Variants in GRK4 observed in about 807,000 individuals in gnomAD.
The protein encoded by GRK4 is G protein-coupled receptor kinase 2-like.
Under a neutral mutation model 77.9 loss-of-function variants are expected in GRK4, and 73 were observed. The observed-to-expected ratio is 0.94, with a 90% CI of 0.78 to 1.14. GRK4 has a LOEUF of 1.14. GRK4 is among the 50% of genes most tolerant of loss of function. GRK4 has a pLI of 0.00. For synonymous variants in GRK4, 257 were observed against 254.4 expected (o/e 1.01, Z -0.10); for missense variants, 729 against 700.2 (o/e 1.04, Z -0.46).
intron 4 of GRK4, among the ~76,000 whole-genome samples, chr4:2,997,829 A>G (rs984789472): frequency 6.7e-6 from 1 of 150,356 alleles, no homozygotes; most frequent in African/African-American, 2.5e-5. Context: ...AATCACTTGA[A>G]CCTGGGAGGC....
rs573080402 is a variant in GRK4 at position 3,040,485 on chromosome 4, C to G, written c.1684-87C>G. 2.9e-6 allele frequency: 3 copies of G among 1,036,202 alleles called. No individual in the cohort carries two copies. In the East Asian group the frequency reaches 8.1e-5, roughly 28 times the overall value. 64.2% of individuals were successfully genotyped at this position (1,036,202 alleles called of 1,614,324 possible). A position where few individuals can be genotyped will look rare whatever the true frequency, so the allele number is the denominator to read the frequency against. Reference sequence around the variant, plus strand: ...AAAAAATAAAAAAGCACCCCCCACCCAAAAGTTTGTAAATGGTTGTCTGCA... The same window carrying G: ...AAAAAATAAAAAAGCACCCCCCACCGAAAAGTTTGTAAATGGTTGTCTGCA... On this transcript the variant is annotated intron_variant, in intron 15 of 15. Transcript: ENST00000398052.
intron 1 of GRK4, among the ~76,000 whole-genome samples, chr4:2,981,706 T>C (rs1002416864): frequency 5.3e-5 from 8 of 152,220 alleles, no homozygotes; most frequent in African/African-American, 1.9e-4. Flanking sequence ...CTCACTCCAG[T>C]CTGCAGAACT....
At chr4:3,002,636 G>A (rs1270355166) in intron 4 of GRK4, among the ~76,000 whole-genome samples, 2 of 152,022 alleles carry the variant, frequency 1.3e-5, no homozygotes, top group East Asian at 3.9e-4. Context: ...CCTGGGCGGC[G>A]GGACTTGCAG....
At chr4:2,970,231 T>C (rs897677386) in intron 1 of GRK4, among the ~76,000 whole-genome samples, 1 of 152,240 alleles carries the variant, frequency 6.6e-6, no homozygotes, top group Admixed American at 6.5e-5. Context: ...GGTTTTCTTA[T>C]ATTTTCTACT....
intron 1 of GRK4, among the ~76,000 whole-genome samples, chr4:2,974,911 T>C (rs2960295): frequency 0.47 from 72,177 of 152,068 alleles, 18,653 homozygotes; most frequent in African/African-American, 0.68. Flanking sequence ...CGTCTTGAGT[T>C]GGCATAGGAC....
intron 1 of GRK4, among the ~76,000 whole-genome samples, chr4:2,978,227 C>A (rs890118663): frequency 2.6e-5 from 4 of 152,140 alleles, no homozygotes; most frequent in African/African-American, 9.7e-5. Context: ...GTAGAAGGTT[C>A]TTGGTTATCT....
chr4:2,966,758 A>G (rs1717839542), intron 1 of GRK4: 1 of 152,200 alleles, frequency 6.6e-6, no homozygotes, highest in Non-Finnish European at 1.5e-5. Context: ...ATACTAGAAA[A>G]TTAACCTTTG....
intron 9 of GRK4, among the ~76,000 whole-genome samples, chr4:3,020,825 A>G (rs1412723050): frequency 3.1e-5 from 4 of 129,736 alleles, no homozygotes; most frequent in Non-Finnish European, 6.9e-5. Context: ...ATTCAGAAAA[A>G]AAAGGATGCT....
chr4:2,989,451 T>A (rs1053882883), intron 3 of GRK4, among the ~76,000 whole-genome samples: 27 of 152,156 alleles, frequency 1.8e-4, no homozygotes, highest in Non-Finnish European at 3.7e-4. Flanking sequence ...TCTCTCTCTG[T>A]CTCCCAGGCT....
Position 3,001,375 on chromosome 4 carries a change from T to A in GRK4, c.340-2856T>A, listed in dbSNP as rs962017975. 1.4e-4 allele frequency among the ~76,000 whole-genome samples: 20 copies of A among 144,712 alleles called. No homozygotes were observed. The East Asian group carries it at 2.0e-3, about 14-fold the overall frequency. The allele number at this position is 144,712 out of a possible 152,430, so 94.9% of individuals were successfully genotyped here. A position where few individuals can be genotyped will look rare whatever the true frequency, so the allele number is the denominator to read the frequency against. On this transcript the variant is annotated intron_variant, in intron 4 of 15. Transcript: ENST00000398052. ...CACACATATATATATATATATTTTT[T>A]TTTTTTTTGAGATGGAGTTTCGCTC...
chr4:2,970,412 C>G (rs746182425), intron 1 of GRK4, among the ~76,000 whole-genome samples: 2 of 152,086 alleles, frequency 1.3e-5, no homozygotes, highest in East Asian at 3.9e-4. Context: ...GTAATCCCAG[C>G]ACTTTGGGAG....
At chr4:3,006,556 G>T (rs1430063471) in intron 5 of GRK4, among the ~76,000 whole-genome samples, 1 of 151,994 alleles carries the variant, frequency 6.6e-6, no homozygotes, top group African/African-American at 2.4e-5. Flanking sequence ...AAGGCAGAAG[G>T]ATTGCGTGAC....
chr4:2,973,058 T>C (rs932644122), intron 1 of GRK4, among the ~76,000 whole-genome samples: 2 of 152,220 alleles, frequency 1.3e-5, no homozygotes, highest in African/African-American at 2.4e-5. Context: ...TTCAAACAAG[T>C]GTGGGGTCAG....
rs147013068 is a variant in GRK4, at chr4:3,031,593, C to T, written c.1269+2184C>T. Among the ~76,000 whole-genome samples, 778 of 152,172 alleles carry T rather than the reference C, an allele frequency of 5.1e-3. 4 individuals carry two copies. Among genetic ancestry groups the T allele is most frequent in the Non-Finnish European group, 8.1e-3 (554 of 68,008 alleles). ...TGGGCTCGACGCTGGCTCCAGTGGA[C>T]GAGGAAATGGACACAGGGAACGGCA... On this transcript the variant is annotated intron_variant, in intron 12 of 15. Coordinates refer to ENST00000398052, the MANE Select transcript of GRK4 (RefSeq NM_182982.3).
chr4:3,004,449 A>G (rs530292392), intron 5 of GRK4, 115 bp downstream of exon 5: 1 of 631,296 alleles, frequency 1.6e-6, no homozygotes, highest in East Asian at 2.7e-5. Flanking sequence ...TGACCCTTGA[A>G]CAACATGGGC....
At chr4:3,027,889 TA>T in intron 10 of GRK4, 22 bp from the exon 11 acceptor site, 1 of 1,605,700 alleles carries the variant, frequency 6.2e-7, no homozygotes, top group Non-Finnish European at 8.5e-7. Flanking sequence ...GTGACCTGTG[TA>T]ATAACATATT....
At chr4:2,981,419 G>A (rs1375338923) in intron 1 of GRK4, among the ~76,000 whole-genome samples, 1 of 152,200 alleles carries the variant, frequency 6.6e-6, no homozygotes, top group Non-Finnish European at 1.5e-5. Context: ...GACCCAAAAT[G>A]GGTAGCTCCT....
chr4:3,015,063 A>C (rs729826), intron 8 of GRK4, among the ~76,000 whole-genome samples: 70,580 of 151,950 alleles, frequency 0.46, 17,646 homozygotes, highest in African/African-American at 0.64. Context: ...AAGCCCAAAT[A>C]CCACCTTCCC....
At chr4:2,997,250 A>G (rs1453272074) in intron 4 of GRK4, among the ~76,000 whole-genome samples, 1 of 152,234 alleles carries the variant, frequency 6.6e-6, no homozygotes, top group Non-Finnish European at 1.5e-5. Flanking sequence ...GCTTTTCCCT[A>G]GGGATACAAA....
Sources: allele counts gnomAD v4.1 joint callset (sites outside exome capture counted in the v4.1 genomes callset), GRCh38; gene constraint gnomAD v4.1.1; transcripts MANE v1.5; gene names NCBI Gene and HGNC (gene_info 2026-07-23, HGNC 2026-07-21).